PHC2: variants seen among roughly 807,000 people sequenced by gnomAD.
PHC2 encodes polyhomeotic homolog 2, also known as polyhomeotic-like protein 2.
In PHC2, 29 loss-of-function variants were observed where a neutral mutation model predicts 87.4. That is an observed-to-expected ratio of 0.33 (90% CI 0.25 to 0.45). PHC2 has a LOEUF of 0.45. PHC2 is among the 20% of genes least tolerant of loss of function. The probability of loss-of-function intolerance (pLI) is 1.00; values close to 1 mark genes in which losing one functional copy is unlikely to be tolerated. For synonymous variants in PHC2, 438 were observed against 461.7 expected (o/e 0.95, Z 0.66); for missense variants, 857 against 1,136.7 (o/e 0.75, Z 3.54).
In PHC2 at chr1:33,355,078, G is replaced by C; in HGVS notation, c.1152C>G (p.Ser384Arg). 5 of 1,612,668 alleles carry C rather than the reference G, an allele frequency of 3.1e-6. No homozygotes were observed. The highest frequency in any genetic ancestry group is 4.2e-6 in the Non-Finnish European group (5 of 1,179,564). Residue 384 changes from serine to arginine, a missense_variant, in exon 8 of 15, where the codon AGC becomes AGG. Coordinates refer to ENST00000683057, the MANE Select transcript of PHC2 (RefSeq NM_001385109.1). ...PHPQLASVSP[S>R]VALQPSSEAH... ...CCTCTGAGCTGGGCTGGAGGGCCAC[G>C]CTTGGAGAGACTGAGGCGAGCTGGG... is the stretch of plus-strand genomic sequence containing the variant.
intron 13 of PHC2, 112 bp downstream of exon 13, chr1:33,329,959 A>G (rs1299109645): frequency 2.8e-5 from 33 of 1,185,866 alleles, no homozygotes; most frequent in Non-Finnish European, 3.6e-5. Flanking sequence ...GAATGAGAGC[A>G]CAGCAGAGTG....
At position 33,336,171 on chromosome 1, in the gene PHC2, T is replaced by C. The variant is rs79190154; in HGVS notation, c.1559-1879A>G. ...ACCCGGCTAATTTTTGTATTTTTAG[T>C]AGGGACTGGGTTTCACCATGTTGGC... On this transcript the variant is annotated intron_variant, in intron 9 of 14. Coordinates refer to ENST00000683057, the MANE Select transcript of PHC2 (RefSeq NM_001385109.1). Among the ~76,000 whole-genome samples, 6 of 152,086 alleles carry C rather than the reference T, an allele frequency of 3.9e-5. No individual in the cohort carries two copies. The East Asian group carries it at 1.2e-3, about 30-fold the overall frequency.
rs142045567 is a variant in PHC2, at chr1:33,391,551, T to C, written c.-54-15958A>G. ...GATCTTTTCTTCTGAGTCTTGGTTA[T>C]TGGCACATACTCTGCCTTGTTTCTG... On this transcript the variant is annotated intron_variant, in intron 1 of 14. Coordinates refer to ENST00000683057, the MANE Select transcript of PHC2 (RefSeq NM_001385109.1). 2.6e-3 allele frequency among the ~76,000 whole-genome samples: 393 copies of C among 152,286 alleles called. 1 individual carries two copies. The highest frequency in any genetic ancestry group is 9.1e-3 in the African/African-American group (380 of 41,546).
chr1:33,363,685 G>T (rs756069207), intron 7 of PHC2: 15 of 924,526 alleles, frequency 1.6e-5, no homozygotes, highest in Non-Finnish European at 1.9e-5. Context: ...CAACCCGACA[G>T]TTCCCTTTTA....
At chr1:33,328,814 C>G (rs1646427334) in intron 14 of PHC2, 56 bp downstream of exon 14, 2 of 1,527,024 alleles carry the variant, frequency 1.3e-6, no homozygotes, top group East Asian at 4.5e-5. Context: ...GGGAGGGTCT[C>G]TCATTTTCTC....
chr1:33,402,034 A>G (rs140172671), intron 1 of PHC2, among the ~76,000 whole-genome samples: 8 of 152,296 alleles, frequency 5.3e-5, no homozygotes, highest in African/African-American at 1.9e-4. Flanking sequence ...CAAGCCTTAC[A>G]CTGAGAAAAA....
At chr1:33,402,805 A>G (rs1038028576) in intron 1 of PHC2, among the ~76,000 whole-genome samples, 4 of 151,416 alleles carry the variant, frequency 2.6e-5, no homozygotes, top group African/African-American at 9.7e-5. Context: ...CATATGTTGT[A>G]AAACTATAAA....
chr1:33,325,554 A>G lies in PHC2; in HGVS notation c.2426-535T>C, dbSNP rs1646351582. 4 of 221,258 alleles carry G rather than the reference A, an allele frequency of 1.8e-5. No homozygotes were observed. In the South Asian group the frequency reaches 2.3e-4, roughly 12 times the overall value. 13.7% of individuals were successfully genotyped at this position (221,258 alleles called of 1,614,324 possible). ...CAGCCTGTATGGCGTCTTCCCTGAG[A>G]CCTCATATGACCTCAAACTCATACA... On this transcript the variant is annotated intron_variant, in intron 14 of 14. Coordinates refer to ENST00000683057, the MANE Select transcript of PHC2 (RefSeq NM_001385109.1).
At position 33,355,237 on chromosome 1, in the gene PHC2, C is replaced by A; in HGVS notation, c.993G>T (p.Gln331His). 6.3e-7 allele frequency: 1 copy of A among 1,580,538 alleles called. No individual in the cohort carries two copies. The stretch of plus-strand genomic sequence containing the variant: ...ATGGCTGTGGGAGGAGCTGGTGTGG[C>A]TGCAGCTGAGCATAGGCTGAAAGGG... ...PLIAPAYAQL[Q>H]PHQLLPQPSS... Residue 331 changes from glutamine to histidine, a missense_variant, in exon 8 of 15, where the codon CAG becomes CAT. Physicochemically the swap from Gln to His is conservative, Grantham distance 24. Coordinates refer to ENST00000683057, the MANE Select transcript of PHC2 (RefSeq NM_001385109.1).
intron 1 of PHC2, among the ~76,000 whole-genome samples, chr1:33,385,865 C>T (rs1466550043): frequency 6.6e-6 from 1 of 151,254 alleles, no homozygotes; most frequent in Admixed American, 6.6e-5. Context: ...GGCATGATCT[C>T]GGCTCACTGC....
At chr1:33,398,331 T>C (rs888878036) in intron 1 of PHC2, among the ~76,000 whole-genome samples, 6 of 152,236 alleles carry the variant, frequency 3.9e-5, no homozygotes, top group African/African-American at 1.4e-4. Context: ...AGAACTTTTG[T>C]CTAATAGGCT....
chr1:33,328,108 A>G (rs1035999266), intron 14 of PHC2, among the ~76,000 whole-genome samples: 1 of 152,314 alleles, frequency 6.6e-6, no homozygotes, highest in East Asian at 1.9e-4. Flanking sequence ...TGGTCGGTGT[A>G]TGAGTGAGAC....
chr1:33,328,982 C>T lies in PHC2; in HGVS notation c.2313G>A (p.Glu771=). ...SRRRQGQRDL[E]LPDMHMRDLV... ...GGTCCCGCATATGCATGTCGGGGAG[C>T]TCCAGGTCCCGCTGGCCTTGTCGCC... is the stretch of plus-strand genomic sequence containing the variant. Residue 771 remains glutamate (E), a synonymous_variant, in exon 14 of 15, where the codon GAG becomes GAA. Coordinates refer to ENST00000683057, the MANE Select transcript of PHC2 (RefSeq NM_001385109.1). 2.5e-6 allele frequency: 4 copies of T among 1,614,238 alleles called. No individual in the cohort carries two copies. Among genetic ancestry groups the T allele is most frequent in the Non-Finnish European group, 3.4e-6 (4 of 1,180,044 alleles).
At chr1:33,371,164 C>T (rs1432841134) in intron 3 of PHC2, 70 bp from the exon 4 acceptor site, 1 of 1,292,718 alleles carries the variant, frequency 7.7e-7, no homozygotes, top group South Asian at 1.2e-5. Context: ...TCTCATCATC[C>T]ACAGGAGGTG....
At chr1:33,430,662 C>T (rs1295757435) in intron 1 of PHC2, among the ~76,000 whole-genome samples, 1 of 151,948 alleles carries the variant, frequency 6.6e-6, no homozygotes, top group Non-Finnish European at 1.5e-5. Flanking sequence ...CAAGCCTCGG[C>T]CCCAGGCTCT....
chr1:33,370,772 G>A (rs1647776920), intron 4 of PHC2, among the ~76,000 whole-genome samples, 187 bp from the exon 5 acceptor site: 1 of 152,166 alleles, frequency 6.6e-6, no homozygotes. Flanking sequence ...GTGCAGAGCT[G>A]CAGGGGGATC....
chr1:33,413,689 G>A (rs971605084), intron 1 of PHC2, among the ~76,000 whole-genome samples: 1 of 152,168 alleles, frequency 6.6e-6, no homozygotes, highest in African/African-American at 2.4e-5. Context: ...AGCAGCAGGT[G>A]GTATGGTATT....
intron 7 of PHC2, 29 bp downstream of exon 7, chr1:33,367,087 A>G: frequency 3.8e-6 from 6 of 1,564,272 alleles, no homozygotes; most frequent in Non-Finnish European, 4.4e-6. Flanking sequence ...GTTTTCTGGG[A>G]AAGGATTCCT....
At chr1:33,415,535 A>T (rs1307413637) in intron 1 of PHC2, among the ~76,000 whole-genome samples, 1 of 152,212 alleles carries the variant, frequency 6.6e-6, no homozygotes, top group Non-Finnish European at 1.5e-5. Context: ...CATCCAAAAT[A>T]AAAGCCAACA....
Sources: allele counts gnomAD v4.1 joint callset (sites outside exome capture counted in the v4.1 genomes callset), GRCh38; gene constraint gnomAD v4.1.1; transcripts MANE v1.5; gene names NCBI Gene and HGNC (gene_info 2026-07-23, HGNC 2026-07-21).